Variants in UGT1A9 observed in about 807,000 individuals in gnomAD.
The protein encoded by UGT1A9 is UDP-glucuronosyltransferase 1A9.
UGT1A9 carries 35 observed loss-of-function variants against 45.0 expected under a neutral mutation model. That is an observed-to-expected ratio of 0.78 (90% confidence interval 0.59 to 1.03). UGT1A9 has a LOEUF of 1.03. UGT1A9 is among the 50% of genes least tolerant of loss of function. The probability of loss-of-function intolerance (pLI) is 0.00; values close to 1 mark genes in which losing one functional copy is unlikely to be tolerated. For synonymous variants in UGT1A9, 278 were observed against 250.6 expected (o/e 1.11, Z -1.03); for missense variants, 687 against 666.6 (o/e 1.03, Z -0.34).
At chr2:233,741,132 C>G (rs1370599110) in intron 1 of UGT1A9, among the ~76,000 whole-genome samples, 1 of 151,794 alleles carries the variant, frequency 6.6e-6, no homozygotes, top group Admixed American at 6.6e-5. Flanking sequence ...AAAAGCAACA[C>G]TTTCCATTTA....
chr2:233,724,683 C>T (rs986382878), intron 1 of UGT1A9, among the ~76,000 whole-genome samples: 9 of 144,584 alleles, frequency 6.2e-5, no homozygotes, highest in African/African-American at 1.3e-4. Flanking sequence ...GATGGGATGG[C>T]GGCCGGGTGA....
chr2:233,715,336 GC>G (rs1476016122), intron 1 of UGT1A9, among the ~76,000 whole-genome samples: 1 of 152,010 alleles, frequency 6.6e-6, no homozygotes, highest in Admixed American at 6.6e-5. Flanking sequence ...TTAGATTGGT[GC>G]ATGTAGGTTT....
At chr2:233,760,284 C>G (rs752018052) in intron 1 of UGT1A9, 1 of 1,612,882 alleles carries the variant, frequency 6.2e-7, no homozygotes, top group Non-Finnish European at 8.5e-7. Context: ...GGAGCAAAGG[C>G]GCCATGGCTG....
At position 233,747,957 on chromosome 2, in the gene UGT1A9, C is replaced by G. The variant is rs113780348; in HGVS notation, c.856-19077C>G. On this transcript the variant is annotated intron_variant, in intron 1 of 4. Transcript: ENST00000354728. Reference sequence around the variant, plus strand: ...GAGGGAGGTGTCAGTGGTGGATCTTCTCAGCCATGCATCTGTGTGGCTGTT... The same window carrying G: ...GAGGGAGGTGTCAGTGGTGGATCTTGTCAGCCATGCATCTGTGTGGCTGTT... 1,995 of 1,613,432 alleles carry G rather than the reference C, an allele frequency of 1.2e-3. 66 individuals carry two copies. The African/African-American group carries it at 0.02, about 16-fold the overall frequency.
chr2:233,682,728 C>A (rs1221106268), intron 1 of UGT1A9: 2 of 1,613,700 alleles, frequency 1.2e-6, no homozygotes, highest in African/African-American at 2.7e-5. Flanking sequence ...TATCCCAAAC[C>A]CGTGATGCCC....
rs140613392 is a variant in UGT1A9 at position 233,768,343 on chromosome 2, G to A, written c.1199G>A (p.Arg400His). 68 of 1,614,170 alleles carry A rather than the reference G, an allele frequency of 4.2e-5. No homozygotes were observed. The highest frequency in any genetic ancestry group is 3.7e-4 in the African/African-American group (28 of 75,042). ...GGTGATCAGATGGACAATGCAAAGC[G>A]CATGGAGACTAAGGGAGCTGGAGTG... ...LFGDQMDNAK[R>H]METKGAGVTL... Residue 400 changes from arginine (R) to histidine (H), a missense_variant, in exon 4 of 5, where the codon CGC (arginine) becomes CAC (histidine). By Grantham distance (29) the Arg-to-His change is conservative. Coordinates refer to ENST00000354728, the MANE Select transcript of UGT1A9 (RefSeq NM_021027.3).
chr2:233,675,501 A>G (rs940829614), intron 1 of UGT1A9, among the ~76,000 whole-genome samples: 1 of 152,182 alleles, frequency 6.6e-6, no homozygotes, highest in African/African-American at 2.4e-5. Flanking sequence ...GGATATGGTT[A>G]CAGATAAATA....
intron 1 of UGT1A9, chr2:233,690,588 GAA>G (rs144486213): frequency 9.2e-5 from 103 of 1,123,576 alleles, no homozygotes; most frequent in Admixed American, 2.9e-4. Context: ...CAATCCCTGA[GAA>G]AAAAAAAAAA....
chr2:233,755,063 G>C (rs776771090), intron 1 of UGT1A9: 3 of 1,334,898 alleles, frequency 2.2e-6, no homozygotes, highest in Non-Finnish European at 3.0e-6. Context: ...CCCTCGCCTC[G>C]CCATAGCGGT....
chr2:233,721,930 C>T (rs557972236), intron 1 of UGT1A9: 22 of 377,682 alleles, frequency 5.8e-5, no homozygotes, highest in South Asian at 4.7e-4. Flanking sequence ...AAGTGACATC[C>T]TTCAGACACT....
chr2:233,741,050 G>A (rs1276633164), intron 1 of UGT1A9, among the ~76,000 whole-genome samples: 2 of 151,768 alleles, frequency 1.3e-5, no homozygotes, highest in African/African-American at 4.9e-5. Context: ...TCTTGCCTAG[G>A]TAACAGCTAC....
chr2:233,748,077 C>T, intron 1 of UGT1A9: 1 of 1,613,256 alleles, frequency 6.2e-7, no homozygotes, highest in Non-Finnish European at 8.5e-7. Flanking sequence ...GCCACTATCT[C>T]AGGTCGGTGT....
At chr2:233,724,792 G>A (rs992945436) in intron 1 of UGT1A9, among the ~76,000 whole-genome samples, 1 of 140,672 alleles carries the variant, frequency 7.1e-6, no homozygotes, top group Non-Finnish European at 1.5e-5. Flanking sequence ...CTTCCCAGAC[G>A]GGGTGGCGGC....
chr2:233,673,570 CT>C (rs45448792), intron 1 of UGT1A9, among the ~76,000 whole-genome samples: 1,956 of 152,184 alleles, frequency 0.013, 43 homozygotes, highest in African/African-American at 0.044. Flanking sequence ...GCTATTGTGT[CT>C]TCCTGTTCAG....
At chr2:233,758,953 C>T (rs1697026708) in intron 1 of UGT1A9, among the ~76,000 whole-genome samples, 1 of 152,184 alleles carries the variant, frequency 6.6e-6, no homozygotes. Flanking sequence ...ATCAGAATTT[C>T]CCCAAATGCC....
At chr2:233,755,897 A>G (rs577722637) in intron 1 of UGT1A9, 1 of 152,230 alleles carries the variant, frequency 6.6e-6, no homozygotes, top group South Asian at 2.1e-4. Flanking sequence ...TTTTTTTGAG[A>G]CAAAATGTAG....
chr2:233,683,060 C>A (rs1310432947), intron 1 of UGT1A9, among the ~76,000 whole-genome samples: 6 of 152,048 alleles, frequency 3.9e-5, no homozygotes, highest in Admixed American at 2.6e-4. Context: ...TACAAAAAAA[C>A]CACAGTAAGA....
rs551912265 is a variant in UGT1A9 at position 233,725,264 on chromosome 2, G to GGAGGCAGAGGCA, written c.856-41728_856-41717dup. ...CAGAGGCAGAGGAGGCAGAGGCAGA[G>GGAGGCAGAGGCA]GAGGCAGAGGCAGAGGCAGAGGCAG... On this transcript the variant is annotated intron_variant, in intron 1 of 4. Transcript: ENST00000354728. Among the ~76,000 whole-genome samples, 48 of 58,548 alleles carry GGAGGCAGAGGCA rather than the reference G, an allele frequency of 8.2e-4. 10 individuals are homozygous for GGAGGCAGAGGCA. Among genetic ancestry groups the GGAGGCAGAGGCA allele is most frequent in the Non-Finnish European group, 1.1e-3 (35 of 32,858 alleles). 38.4% of individuals were successfully genotyped at this position (58,548 alleles called of 152,430 possible). A position where few individuals can be genotyped will look rare whatever the true frequency, so the allele number is the denominator to read the frequency against.
At chr2:233,691,413 C>T (rs543988053) in intron 1 of UGT1A9, 2 of 985,542 alleles carry the variant, frequency 2.0e-6, no homozygotes, top group African/African-American at 1.7e-5. Context: ...CTTGGAGTGG[C>T]CCCTCTAATC....
Sources: allele counts gnomAD v4.1 joint callset (sites outside exome capture counted in the v4.1 genomes callset), GRCh38; gene constraint gnomAD v4.1.1; transcripts MANE v1.5; gene names NCBI Gene and HGNC (gene_info 2026-07-23, HGNC 2026-07-21).